The following CALD1 variants were observed in gnomAD, a reference collection of about 807,000 sequenced individuals.
CALD1 encodes caldesmon.
A neutral mutation model predicts 99.9 loss-of-function variants in CALD1; 33 were observed. The observed-to-expected ratio is 0.33, with a 90% CI of 0.25 to 0.44. CALD1 has a LOEUF of 0.44. Among genes scored for constraint, CALD1 ranks in the 20% least tolerant of loss-of-function variants. The pLI, the probability that CALD1 is intolerant of heterozygous loss-of-function variation, is 1.00. For synonymous variants in CALD1, 310 were observed against 325.0 expected, an observed-to-expected ratio of 0.95 and a Z score of 0.50; for missense variants, 861 against 962.1, an observed-to-expected ratio of 0.89 and a Z score of 1.39.
chr7:134,909,208 A>T (rs1291551768), intron 3 of CALD1, among the ~76,000 whole-genome samples: 1 of 152,180 alleles, frequency 6.6e-6, no homozygotes, highest in Non-Finnish European at 1.5e-5. Context: ...CGAGAAGTTT[A>T]AAAAAAATTT....
chr7:134,878,202 C>A (rs1801437702), intron 3 of CALD1, among the ~76,000 whole-genome samples: 1 of 152,184 alleles, frequency 6.6e-6, no homozygotes, highest in African/African-American at 2.4e-5. Context: ...TCCAAAGATT[C>A]TCTCCAGACT....
chr7:134,883,515 T>C (rs1357761060), intron 3 of CALD1, among the ~76,000 whole-genome samples: 4 of 152,164 alleles, frequency 2.6e-5, no homozygotes, highest in African/African-American at 9.7e-5. Context: ...GGTTATTCTA[T>C]AAATTAGTGA....
chr7:134,875,128 C>T (rs1395548936), intron 3 of CALD1, among the ~76,000 whole-genome samples: 1 of 152,162 alleles, frequency 6.6e-6, no homozygotes, highest in East Asian at 1.9e-4. Context: ...TCAAAATTTC[C>T]CTTCAGTTCT....
rs1409097726 is a variant in CALD1 at position 134,843,925 on chromosome 7, A to C, written c.-88A>C. 1 of 152,196 alleles carries C rather than the reference A, an allele frequency of 6.6e-6. No homozygotes were observed. The highest frequency in any genetic ancestry group is 1.5e-5 in the Non-Finnish European group (1 of 68,040). 9.4% of individuals were successfully genotyped at this position (152,196 alleles called of 1,614,324 possible). On this transcript the variant is annotated 5_prime_UTR_variant, in exon 2 of 15. Coordinates refer to ENST00000361675, the MANE Select transcript of CALD1 (RefSeq NM_033138.4). Reference sequence around the variant, plus strand: ...TCAAGATCATCAAATCAAATTCCACAGGGATTGGTGACCAACCAGAAGGCT... The same window carrying C: ...TCAAGATCATCAAATCAAATTCCACCGGGATTGGTGACCAACCAGAAGGCT...
At chr7:134,929,029 T>C (rs1805282973) in intron 4 of CALD1, 129 bp downstream of exon 4, 1 of 814,264 alleles carries the variant, frequency 1.2e-6, no homozygotes, top group South Asian at 2.1e-5. Flanking sequence ...GGTTTAATTA[T>C]TTTGCAGTCA....
chr7:134,917,505 C>T (rs1001994107), intron 3 of CALD1, among the ~76,000 whole-genome samples: 10 of 152,062 alleles, frequency 6.6e-5, no homozygotes, highest in East Asian at 3.9e-4. Context: ...CGCACCACCA[C>T]GCCCAGCTAA....
At chr7:134,877,195 G>T (rs1801392104) in intron 3 of CALD1, among the ~76,000 whole-genome samples, 1 of 152,108 alleles carries the variant, frequency 6.6e-6, no homozygotes, top group African/African-American at 2.4e-5. Flanking sequence ...CCCTCTCTGG[G>T]GTCACCTCAG....
intron 2 of CALD1, among the ~76,000 whole-genome samples, chr7:134,866,595 T>G (rs35074106): frequency 0.46 from 70,171 of 152,018 alleles, 16,953 homozygotes; most frequent in East Asian, 0.76. Flanking sequence ...AAATCTAAGT[T>G]TTGTTTTTTG....
At chr7:134,941,852 G>T (rs901586314) in intron 7 of CALD1, among the ~76,000 whole-genome samples, 2 of 152,136 alleles carry the variant, frequency 1.3e-5, no homozygotes, top group Admixed American at 1.3e-4. Flanking sequence ...AAACTCTCTT[G>T]TATAGCTTGA....
chr7:134,933,462 G>A lies in CALD1; in HGVS notation c.693G>A (p.Gly231=). 1 of 1,613,964 alleles carries A rather than the reference G, an allele frequency of 6.2e-7. No homozygotes were observed. Among genetic ancestry groups the A allele is most frequent in the African/African-American group, 1.3e-5 (1 of 74,998 alleles). ...EETVVMSLKN[G]QISSEEPKQE... ...CAGTGGTAATGTCATTAAAAAATGG[G>A]CAGATCAGTTCAGAAGAGCCTAAAC... The change falls in exon 5 of 15, where the codon GGG becomes GGA. Residue 231 remains glycine (G), a synonymous_variant. Coordinates refer to ENST00000361675, the MANE Select transcript of CALD1 (RefSeq NM_033138.4).
At chr7:134,928,119 T>C (rs1255129268) in intron 3 of CALD1, 1 of 312,066 alleles carries the variant, frequency 3.2e-6, no homozygotes, top group South Asian at 2.6e-5. Flanking sequence ...TTTGGTTCAA[T>C]ACTTTGGGTC....
At chr7:134,910,103 A>C (rs1290385358) in intron 3 of CALD1, among the ~76,000 whole-genome samples, 4 of 152,206 alleles carry the variant, frequency 2.6e-5, no homozygotes, top group Non-Finnish European at 5.9e-5. Flanking sequence ...TATATTTAAT[A>C]ATGAAACTGA....
chr7:134,730,715 A>T, the CALD1 span, among the ~76,000 whole-genome samples: 2 of 152,234 alleles, frequency 1.3e-5, no homozygotes, highest in Admixed American at 1.3e-4. Flanking sequence ...ATAATTAGGA[A>T]CAACACAAGT....
intron 3 of CALD1, among the ~76,000 whole-genome samples, chr7:134,913,832 CAG>C (rs1804001793): frequency 6.6e-6 from 1 of 152,160 alleles, no homozygotes; most frequent in African/African-American, 2.4e-5. Context: ...TTTGCAAAAA[CAG>C]AGTGGGCTGG....
chr7:134,877,609 T>C (rs1801412091), intron 3 of CALD1, among the ~76,000 whole-genome samples: 1 of 152,236 alleles, frequency 6.6e-6, no homozygotes, highest in African/African-American at 2.4e-5. Context: ...GTGCTAAACA[T>C]GTACATACTT....
At chr7:134,959,154 G>GT (rs1198000449) in intron 11 of CALD1, among the ~76,000 whole-genome samples, 1 of 151,326 alleles carries the variant, frequency 6.6e-6, no homozygotes, top group Non-Finnish European at 1.5e-5. Flanking sequence ...TGACTGTCTT[G>GT]TTTTTTGTTT....
intron 3 of CALD1, among the ~76,000 whole-genome samples, chr7:134,910,342 A>G (rs1373410065): frequency 1.3e-5 from 2 of 152,180 alleles, no homozygotes; most frequent in Admixed American, 6.5e-5. Flanking sequence ...TGAATTTCAG[A>G]ACCAGTTTTG....
chr7:134,864,048 C>G (rs1472662544), intron 2 of CALD1, among the ~76,000 whole-genome samples: 2 of 152,146 alleles, frequency 1.3e-5, no homozygotes, highest in Admixed American at 6.5e-5. Flanking sequence ...AGGCTCGTGG[C>G]TTTGTTCAAA....
chr7:134,914,719 A>G (rs568593071), intron 3 of CALD1, among the ~76,000 whole-genome samples: 9 of 152,248 alleles, frequency 5.9e-5, no homozygotes, highest in Non-Finnish European at 8.8e-5. Flanking sequence ...CTGTACATGG[A>G]AAGGTCCTCT....
Sources: allele counts gnomAD v4.1 joint callset (sites outside exome capture counted in the v4.1 genomes callset), GRCh38; gene constraint gnomAD v4.1.1; transcripts MANE v1.5; gene names NCBI Gene and HGNC (gene_info 2026-07-23, HGNC 2026-07-21).